The following KRT19 variants were observed in gnomAD, a reference collection of about 807,000 sequenced individuals.
The protein encoded by KRT19 is keratin, type I cytoskeletal 19.
A neutral mutation model predicts 34.6 loss-of-function variants in KRT19; 21 were observed. The observed-to-expected ratio is 0.61, with a 90% CI of 0.43 to 0.87. The LOEUF (loss-of-function observed/expected upper bound fraction) is 0.87, where lower values mean the gene tolerates loss of function less well. KRT19 is among the 40% of genes least tolerant of loss of function. KRT19 has a pLI of 0.00. For synonymous variants in KRT19, 240 were observed against 245.8 expected (o/e 0.98, Z 0.22); for missense variants, 514 against 545.7 (o/e 0.94, Z 0.58).
In KRT19 at chr17:41,524,249, T is replaced by C; in HGVS notation, c.842A>G (p.Glu281Gly). ...GAGCTGCTCCGTGTGGCCAGCGACCTCCCGGTTCAATTCTTCAGTCTGCAG... is the reference window on the plus strand; with the variant it reads ...GAGCTGCTCCGTGTGGCCAGCGACCCCCCGGTTCAATTCTTCAGTCTGCAG... Reference protein sequence around the residue: ...FTSRTEELNREVAGHTEQLQM... With the variant: ...FTSRTEELNRGVAGHTEQLQM... The change falls in exon 5 of 6, where the codon GAG becomes GGG. Residue 281 changes from glutamate (E) to glycine (G), a missense_variant. Physicochemically the swap from Glu to Gly is moderately conservative, Grantham distance 98. Transcript: ENST00000361566. 3 of 1,613,996 alleles carry C rather than the reference T, an allele frequency of 1.9e-6. No homozygotes were observed. Among genetic ancestry groups the C allele is most frequent in the Non-Finnish European group, 2.5e-6 (3 of 1,179,964 alleles).
chr17:41,524,083 G>A lies in KRT19; in HGVS notation c.948+60C>T, dbSNP rs1905766921. 4 of 1,600,796 alleles carry A rather than the reference G, an allele frequency of 2.5e-6. No homozygotes were observed. In the Admixed American group the frequency reaches 6.7e-5, roughly 27 times the overall value. On this transcript the variant is annotated intron_variant, in intron 5 of 5. Coordinates refer to ENST00000361566, the MANE Select transcript of KRT19 (RefSeq NM_002276.5). Reference sequence around the variant, plus strand: ...CACAGCCACCGGCCAGGCTGCCCTAGGCTGCAAGGGTATAAGTGTGAATTG... The same window carrying A: ...CACAGCCACCGGCCAGGCTGCCCTAAGCTGCAAGGGTATAAGTGTGAATTG...
rs760470135 is a variant in KRT19 at position 41,528,121 on chromosome 17, G to C, written c.127C>G (p.Arg43Gly). The C allele has an allele frequency of 6.2e-7, 1 of 1,606,334 alleles. No individual in the cohort carries two copies. Among genetic ancestry groups the C allele is most frequent in the East Asian group, 2.2e-5 (1 of 44,768 alleles). Residue 43 changes from arginine to glycine, a missense_variant, in exon 1 of 6, where the codon CGC becomes GGC. Transcript: ENST00000361566. ...APSIHGGSGG[R>G]GVSVSSARFV... ...CGGGCGGAGGACACGGATACGCCGC[G>C]GCCGCCGGAGCCCCCGTGAATGCTG... is the stretch of plus-strand genomic sequence containing the variant.
chr17:41,524,711 T>C, intron 3 of KRT19, 132 bp downstream of exon 3: 5 of 1,254,964 alleles, frequency 4.0e-6, no homozygotes, highest in Non-Finnish European at 4.6e-6. Context: ...AACCCTGGGA[T>C]CCATGATCCC....
At chr17:41,524,022 G>A in intron 5 of KRT19, 25 bp from the exon 6 acceptor site, 1 of 1,604,852 alleles carries the variant, frequency 6.2e-7, no homozygotes, top group Non-Finnish European at 8.5e-7. Flanking sequence ...AGGGGGTTGT[G>A]ACTCAGCAGA....
chr17:41,523,822 T>C lies in KRT19; in HGVS notation c.1124A>G (p.Gln375Arg). Residue 375 changes from glutamine (Q) to arginine (R), a missense_variant, in exon 6 of 6, where the codon CAG (glutamine) becomes CGG (arginine). Gln to Arg is a conservative substitution (Grantham distance 43, BLOSUM62 1). Transcript: ENST00000361566. ...CAGGCTGCGGTAGGTGGCAATCTCCTGCTCCAGCCGCGACTTGATGTCCAT... is the reference window on the plus strand; with the variant it reads ...CAGGCTGCGGTAGGTGGCAATCTCCCGCTCCAGCCGCGACTTGATGTCCAT... ...RLMDIKSRLE[Q>R]EIATYRSLLE... 6.2e-7 allele frequency: 1 copy of C among 1,613,932 alleles called. No homozygotes were observed. Among genetic ancestry groups the C allele is most frequent in the East Asian group, 2.2e-5 (1 of 44,886 alleles).
At chr17:41,525,994 CAG>C (rs1026725992) in intron 1 of KRT19, among the ~76,000 whole-genome samples, 10 of 152,132 alleles carry the variant, frequency 6.6e-5, no homozygotes, top group East Asian at 5.8e-4. Context: ...TTTTTTGAGA[CAG>C]AGTCTCGCTC....
rs772304215 is a variant in KRT19 at position 41,525,316 on chromosome 17, G to A, written c.421-43C>T. Reference sequence around the variant, plus strand: ...AGGTTGGTACCAGTTCAACACACAGGCACTGCCCACTCACTTTCTTCCCAG... The same window carrying A: ...AGGTTGGTACCAGTTCAACACACAGACACTGCCCACTCACTTTCTTCCCAG... On this transcript the variant is annotated intron_variant, in intron 1 of 5. Transcript: ENST00000361566. The A allele has an allele frequency of 1.8e-5, 24 of 1,346,028 alleles. No homozygotes were observed. The African/African-American group carries it at 2.3e-4, about 13-fold the overall frequency. The allele number at this position is 1,346,028 out of a possible 1,614,324, so 83.4% of individuals were successfully genotyped here.
At chr17:41,526,837 T>A (rs1232291392) in intron 1 of KRT19, among the ~76,000 whole-genome samples, 1 of 152,194 alleles carries the variant, frequency 6.6e-6, no homozygotes, top group African/African-American at 2.4e-5. Context: ...CCACCCAAAG[T>A]GCTGGGGTTA....
intron 3 of KRT19, 61 bp downstream of exon 3, chr17:41,524,782 A>G (rs185445151): frequency 2.4e-4 from 374 of 1,576,310 alleles, no homozygotes; most frequent in Middle Eastern, 1.1e-3. Context: ...TACAGAATAA[A>G]AGAGTCTTCA....
chr17:41,526,034 C>A (rs1025458068), intron 1 of KRT19, among the ~76,000 whole-genome samples: 1 of 152,050 alleles, frequency 6.6e-6, no homozygotes, highest in African/African-American at 2.4e-5. Context: ...TGCAGCGTCG[C>A]GATCTCGGCT....
At chr17:41,527,681 T>G (rs962390278) in intron 1 of KRT19, 147 bp downstream of exon 1, 5 of 831,544 alleles carry the variant, frequency 6.0e-6, no homozygotes, top group Non-Finnish European at 9.0e-6. Context: ...GCACGTCTCC[T>G]GTCCCCCTTT....
chr17:41,526,139 T>A (rs1479722916), intron 1 of KRT19, among the ~76,000 whole-genome samples: 5 of 148,054 alleles, frequency 3.4e-5, no homozygotes, highest in Admixed American at 1.3e-4. Context: ...GCCCAGCTAA[T>A]TTTTTTTTGT....
At chr17:41,525,399 AG>A (rs1905828480) in intron 1 of KRT19, 126 bp from the exon 2 acceptor site, 1 of 755,606 alleles carries the variant, frequency 1.3e-6, no homozygotes, top group Non-Finnish European at 2.4e-6. Context: ...AGCCCTAGCC[AG>A]CATCTGCCGC....
In KRT19 at chr17:41,527,887, G is replaced by A; in HGVS notation, c.361C>T (p.Pro121Ser). ...KIRDWYQKQG[P>S]GPSRDYSHYY... ...TGGCTGTAGTCGCGGGAGGGCCCAG[G>A]CCCCTGCTTCTGGTACCAGTCGCGG... Residue 121 changes from proline to serine, a missense_variant, in exon 1 of 6, where the codon CCT becomes TCT. By Grantham distance (74) the Pro-to-Ser change is moderately conservative. Transcript: ENST00000361566. 6.2e-7 allele frequency: 1 copy of A among 1,613,566 alleles called. No homozygotes were observed. The highest frequency in any genetic ancestry group is 8.5e-7 in the Non-Finnish European group (1 of 1,179,786).
intron 3 of KRT19, 115 bp downstream of exon 3, chr17:41,524,728 A>C: frequency 7.6e-7 from 1 of 1,315,166 alleles, no homozygotes; most frequent in Non-Finnish European, 1.1e-6. Flanking sequence ...TCCCACACCC[A>C]GGGCCATGGT....
chr17:41,524,105 A>C, intron 5 of KRT19, 38 bp downstream of exon 5: 1 of 1,608,404 alleles, frequency 6.2e-7, no homozygotes, highest in Non-Finnish European at 8.5e-7. Flanking sequence ...ATAAGTGTGA[A>C]TTGCACAGGG....
chr17:41,524,134 G>T lies in KRT19; in HGVS notation c.948+9C>A, dbSNP rs1905770394. The T allele has an allele frequency of 1.2e-6, 2 of 1,613,026 alleles. No individual in the cohort carries two copies. Among genetic ancestry groups the T allele is most frequent in the Non-Finnish European group, 1.7e-6 (2 of 1,179,482 alleles). On this transcript the variant is annotated intron_variant, in intron 5 of 5. Coordinates refer to ENST00000361566, the MANE Select transcript of KRT19 (RefSeq NM_002276.5). ...CACAGGGAAGCGGCGGCGGTGGGGGGACACATACCATGCTCAGCTGTGACT... is the reference window on the plus strand; with the variant it reads ...CACAGGGAAGCGGCGGCGGTGGGGGTACACATACCATGCTCAGCTGTGACT...
rs1346740819 is a variant in KRT19 at position 41,524,405 on chromosome 17, C to T, written c.796G>A (p.Asp266Asn). 12 of 1,614,246 alleles carry T rather than the reference C, an allele frequency of 7.4e-6. No individual in the cohort carries two copies. In the Admixed American group the frequency reaches 1.3e-4, roughly 18 times the overall value. Residue 266 changes from aspartate (D) to asparagine (N), a missense_variant, in exon 4 of 6, where the codon GAT (aspartate) becomes AAT (asparagine). Physicochemically the swap from Asp to Asn is conservative, Grantham distance 23 (BLOSUM62 1). Coordinates refer to ENST00000361566, the MANE Select transcript of KRT19 (RefSeq NM_002276.5). ...CGGCTGGTGAACCAGGCTTCAGCAT[C>T]CTTCCGGTTCTGCTCGGCCATGACC... is the stretch of plus-strand genomic sequence containing the variant. ...YEVMAEQNRK[D>N]AEAWFTSRTE...
At chr17:41,527,718 A>G in intron 1 of KRT19, 110 bp downstream of exon 1, 1 of 1,222,380 alleles carries the variant, frequency 8.2e-7, no homozygotes, top group East Asian at 2.5e-5. Flanking sequence ...GGACCTTCCC[A>G]CGTCCTAACG....
Sources: allele counts gnomAD v4.1 joint callset (sites outside exome capture counted in the v4.1 genomes callset), GRCh38; gene constraint gnomAD v4.1.1; transcripts MANE v1.5; gene names NCBI Gene and HGNC (gene_info 2026-07-23, HGNC 2026-07-21).